Variants in GSDMA observed in about 807,000 individuals in gnomAD.
GSDMA encodes gasdermin-A.
In GSDMA, 55 loss-of-function variants were observed where a neutral mutation model predicts 54.3. The observed-to-expected ratio is 1.01, with a 90% confidence interval of 0.82 to 1.27. The LOEUF is 1.27. Ranked by LOEUF, GSDMA falls within the 50% of genes most tolerant of loss-of-function variation. The pLI, the probability that GSDMA is intolerant of heterozygous loss-of-function variation, is 0.00. For missense variants in GSDMA, 542 were observed against 542.6 expected (o/e 1.00, Z 0.01); for synonymous variants, 211 against 224.7 (o/e 0.94, Z 0.54).
At chr17:39,975,398 G>A (rs569410010) in intron 10 of GSDMA, among the ~76,000 whole-genome samples, 3 of 150,742 alleles carry the variant, frequency 2.0e-5, no homozygotes, top group Admixed American at 6.6e-5. Context: ...GCAGTGAGCC[G>A]AGATCACTCC....
In GSDMA at chr17:39,974,965, A is replaced by G. The variant is rs1157549957; in HGVS notation, c.972A>G (p.Leu324=). 6.2e-7 allele frequency: 1 copy of G among 1,613,336 alleles called. No homozygotes were observed. Among genetic ancestry groups the G allele is most frequent in the Admixed American group, 1.7e-5 (1 of 59,894 alleles). Reference sequence around the variant, plus strand: ...AGGCACTCCCAAAAGATGTCCTGCTATCAAAGGAGGCCGTGGGCGCCATCC... The same window carrying G: ...AGGCACTCCCAAAAGATGTCCTGCTGTCAAAGGAGGCCGTGGGCGCCATCC... ...TLEALPKDVL[L]SKEAVGAILY... The change falls in exon 10 of 12, where the codon CTA becomes CTG. Residue 324 remains leucine (L), a synonymous_variant. Transcript: ENST00000301659.
intron 11 of GSDMA, among the ~76,000 whole-genome samples, chr17:39,976,511 C>T (rs1368319720): frequency 6.6e-6 from 1 of 152,114 alleles, no homozygotes; most frequent in Non-Finnish European, 1.5e-5. Context: ...CTCCTGACCT[C>T]AGGTGATCTG....
In GSDMA at chr17:39,965,825, G is replaced by A. The variant is rs376101580; in HGVS notation, c.138G>A (p.Thr46=). The change falls in exon 2 of 12, where the codon ACG becomes ACA. Residue 46 remains threonine (T), a synonymous_variant. Transcript: ENST00000301659. The part of the protein sequence containing the change: ...FCLVLRKRKS[T]LFWGARYVRT... ...TGGTGCTGAGGAAGAGGAAGAGCAC[G>A]CTCTTCTGGGGGGCCCGGTACGTCC... 2.2e-4 allele frequency: 352 copies of A among 1,587,154 alleles called. No homozygotes were observed. The highest frequency in any genetic ancestry group is 2.7e-4 in the Non-Finnish European group (316 of 1,167,272).
At position 39,977,092 on chromosome 17, in the gene GSDMA, T is replaced by C. The variant is rs748758293; in HGVS notation, c.*34T>C. 8 of 1,610,696 alleles carry C rather than the reference T, an allele frequency of 5.0e-6. No homozygotes were observed. The highest frequency in any genetic ancestry group is 6.8e-6 in the Non-Finnish European group (8 of 1,177,678). Reference sequence around the variant, plus strand: ...TTACGTCTGCTTCATGACTCCCTAATGCCTTCCCAACCTCGTGGTGCTGTG... The same window carrying C: ...TTACGTCTGCTTCATGACTCCCTAACGCCTTCCCAACCTCGTGGTGCTGTG... On this transcript the variant is annotated 3_prime_UTR_variant, in exon 12 of 12. Transcript: ENST00000301659.
intron 1 of GSDMA, among the ~76,000 whole-genome samples, chr17:39,963,582 G>A (rs1011557079): frequency 5.3e-5 from 8 of 152,282 alleles, no homozygotes; most frequent in African/African-American, 9.6e-5. Context: ...GGTCAGGTGC[G>A]GTGGCTCACA....
rs537720364 is a variant in GSDMA at position 39,966,345 on chromosome 17, G to A, written c.300G>A (p.Lys100=). ...EGDVDVPKTV[K]VKGTAGLSQN... Reference sequence around the variant, plus strand: ...ATGTGGATGTACCAAAGACGGTGAAGGTGAAGGGAACGGCAGGGCTCTCGC... The same window carrying A: ...ATGTGGATGTACCAAAGACGGTGAAAGTGAAGGGAACGGCAGGGCTCTCGC... The change falls in exon 3 of 12, where the codon AAG becomes AAA. Residue 100 remains lysine, a synonymous_variant. Transcript: ENST00000301659. 3 of 1,613,970 alleles carry A rather than the reference G, an allele frequency of 1.9e-6. No homozygotes were observed. Among genetic ancestry groups the A allele is most frequent in the South Asian group, 2.2e-5 (2 of 91,082 alleles).
intron 10 of GSDMA, among the ~76,000 whole-genome samples, chr17:39,975,720 G>C (rs1370892433): frequency 6.6e-6 from 1 of 152,120 alleles, no homozygotes; most frequent in African/African-American, 2.4e-5. Context: ...TGGTCCTTCA[G>C]GTGTAAGCCA....
chr17:39,968,349 T>TTTTTTTTTTTTTTTTA lies in GSDMA; in HGVS notation c.392+1927_392+1928insATTTTTTTTTTTTTTT, dbSNP rs1258588847. On this transcript the variant is annotated intron_variant, in intron 3 of 11. Transcript: ENST00000301659. The stretch of plus-strand genomic sequence containing the variant: ...GCCACTGAGCCCGGTCTTTTTTTTT[T>TTTTTTTTTTTTTTTTA]TTTTTTTTTTTTTTTTGAGACGGAG... 3.3e-5 allele frequency among the ~76,000 whole-genome samples: 4 copies of TTTTTTTTTTTTTTTTA among 122,378 alleles called. 1 individual carries two copies. Among genetic ancestry groups the TTTTTTTTTTTTTTTTA allele is most frequent in the African/African-American group, 1.4e-4 (4 of 28,604 alleles). 80.3% of individuals were successfully genotyped at this position (122,378 alleles called of 152,430 possible).
chr17:39,970,169 G>A (rs1374890770), intron 3 of GSDMA, among the ~76,000 whole-genome samples: 1 of 152,162 alleles, frequency 6.6e-6, no homozygotes, highest in Non-Finnish European at 1.5e-5. Flanking sequence ...CGAACTGGAG[G>A]AAAAGGGGGT....
chr17:39,977,108 T>C lies in GSDMA; in HGVS notation c.*50T>C. On this transcript the variant is annotated 3_prime_UTR_variant, in exon 12 of 12. Transcript: ENST00000301659. ...ACTCCCTAATGCCTTCCCAACCTCG[T>C]GGTGCTGTGTCCTTACCACCTAAGG... is the stretch of plus-strand genomic sequence containing the variant. The C allele has an allele frequency of 6.2e-7, 1 of 1,601,768 alleles. No homozygotes were observed.
At chr17:39,972,108 T>TC in intron 5 of GSDMA, 21 bp from the exon 6 acceptor site, 13 of 359,752 alleles carry the variant, frequency 3.6e-5, no homozygotes, top group Admixed American at 1.4e-4. Flanking sequence ...CCTCCCACCC[T>TC]CCCTCCCTTG....
Position 39,973,705 on chromosome 17 carries a change from C to T in GSDMA, c.731-105C>T. 4.4e-6 allele frequency: 4 copies of T among 917,278 alleles called. No homozygotes were observed. The South Asian group carries it at 6.5e-5, about 15-fold the overall frequency. 56.8% of individuals were successfully genotyped at this position (917,278 alleles called of 1,614,324 possible). ...AAGGTAGCTGGGCTCTCCCAGGAGACAGGCAGGATGTATTTCCTCATCTTC... is the reference window on the plus strand; with the variant it reads ...AAGGTAGCTGGGCTCTCCCAGGAGATAGGCAGGATGTATTTCCTCATCTTC... On this transcript the variant is annotated intron_variant, in intron 7 of 11. Transcript: ENST00000301659.
intron 7 of GSDMA, among the ~76,000 whole-genome samples, 196 bp from the exon 8 acceptor site, chr17:39,973,614 C>T (rs1980060888): frequency 6.6e-6 from 1 of 151,834 alleles, no homozygotes; most frequent in African/African-American, 2.4e-5. Flanking sequence ...CTGCTACACA[C>T]ACATCTGCAA....
intron 2 of GSDMA, 90 bp downstream of exon 2, chr17:39,965,991 G>C (rs1247782904): frequency 8.2e-7 from 1 of 1,225,066 alleles, no homozygotes; most frequent in Non-Finnish European, 1.1e-6. Context: ...AGCTCCCTCT[G>C]GCCAGAGGTG....
intron 9 of GSDMA, among the ~76,000 whole-genome samples, 159 bp from the exon 10 acceptor site, chr17:39,974,741 A>T (rs1598307449): frequency 6.6e-6 from 1 of 152,220 alleles, no homozygotes; most frequent in Non-Finnish European, 1.5e-5. Context: ...CTCAGGAAAC[A>T]AGGAACCCAG....
intron 8 of GSDMA, 84 bp from the exon 9 acceptor site, chr17:39,974,189 A>AGT: frequency 1.5e-6 from 2 of 1,374,636 alleles, no homozygotes; most frequent in Admixed American, 5.3e-5. Context: ...AAGGGGGCTG[A>AGT]GTGTAGGAGC....
intron 1 of GSDMA, among the ~76,000 whole-genome samples, chr17:39,964,366 C>T (rs777902378): frequency 2.6e-5 from 4 of 152,010 alleles, no homozygotes; most frequent in South Asian, 4.2e-4. Context: ...GTCAGGAGTT[C>T]GAGACCAGCC....
intron 11 of GSDMA, 83 bp downstream of exon 11, chr17:39,976,080 C>A: frequency 2.1e-6 from 2 of 967,976 alleles, no homozygotes; most frequent in Non-Finnish European, 1.6e-6. Flanking sequence ...AAGGATGGAG[C>A]CATTCTGGAG....
At chr17:39,967,460 C>T (rs923485440) in intron 3 of GSDMA, among the ~76,000 whole-genome samples, 3 of 152,068 alleles carry the variant, frequency 2.0e-5, no homozygotes, top group Admixed American at 6.6e-5. Context: ...ATAGCAGGGG[C>T]GGAAGAGGTG....
Sources: allele counts gnomAD v4.1 joint callset (sites outside exome capture counted in the v4.1 genomes callset), GRCh38; gene constraint gnomAD v4.1.1; transcripts MANE v1.5; gene names NCBI Gene and HGNC (gene_info 2026-07-23, HGNC 2026-07-21).